COMMD1: variants seen among roughly 807,000 people sequenced by gnomAD.
The protein encoded by COMMD1 is COMM domain-containing protein 1.
Under a neutral mutation model 17.2 loss-of-function variants are expected in COMMD1, and 10 were observed. The ratio of observed to expected loss-of-function variants is 0.58; its 90% CI spans 0.36 to 0.99. COMMD1 has a LOEUF of 0.99. COMMD1 is among the 50% of genes least tolerant of loss of function. COMMD1 has a pLI of 0.01. For missense variants in COMMD1, 270 were observed against 231.8 expected (o/e 1.17, Z -1.07); for synonymous variants, 97 against 91.6 (o/e 1.06, Z -0.34).
chr2:61,963,168 A>C (rs1296482556), intron 1 of COMMD1, among the ~76,000 whole-genome samples: 2 of 142,762 alleles, frequency 1.4e-5, no homozygotes, highest in East Asian at 4.0e-4. Flanking sequence ...TCAAAAAAAA[A>C]AATATATATA....
At chr2:62,035,601 T>C (rs1670016490) in intron 2 of COMMD1, among the ~76,000 whole-genome samples, 1 of 151,836 alleles carries the variant, frequency 6.6e-6, no homozygotes, top group African/African-American at 2.4e-5. Flanking sequence ...TAGCTGGGCA[T>C]GGTGGTGCAT....
intron 2 of COMMD1, among the ~76,000 whole-genome samples, chr2:62,120,293 A>T (rs1352189135): frequency 6.7e-6 from 1 of 148,708 alleles, no homozygotes; most frequent in African/African-American, 2.5e-5. Flanking sequence ...GAGCCACTGC[A>T]CCCAGCTGTG....
At chr2:61,964,502 C>A (rs180906722) in intron 1 of COMMD1, among the ~76,000 whole-genome samples, 1 of 152,290 alleles carries the variant, frequency 6.6e-6, no homozygotes, top group East Asian at 1.9e-4. Flanking sequence ...GCGTGAGGCA[C>A]TACACCCTGG....
chr2:62,088,229 C>T (rs1341246709), intron 2 of COMMD1, among the ~76,000 whole-genome samples: 1 of 152,054 alleles, frequency 6.6e-6, no homozygotes, highest in Non-Finnish European at 1.5e-5. Context: ...TCTTTTTTCT[C>T]TGGACTTTCA....
intron 2 of COMMD1, among the ~76,000 whole-genome samples, chr2:62,102,162 C>G (rs1284095523): frequency 6.6e-6 from 1 of 152,166 alleles, no homozygotes; most frequent in African/African-American, 2.4e-5. Context: ...CCTATTGTAT[C>G]ACAGCTTCCC....
At chr2:62,054,354 G>A (rs368761912) in intron 2 of COMMD1, among the ~76,000 whole-genome samples, 18 of 152,040 alleles carry the variant, frequency 1.2e-4, no homozygotes, top group African/African-American at 2.4e-4. Context: ...GTATCTAACC[G>A]CCAGAAAAGA....
At chr2:62,089,280 C>CT (rs57279954) in intron 2 of COMMD1, among the ~76,000 whole-genome samples, 1,452 of 135,866 alleles carry the variant, frequency 0.011, 8 homozygotes, top group East Asian at 0.032. Flanking sequence ...TTCTTTCTTT[C>CT]TTTTTTTTTT....
chr2:62,020,906 G>C (rs1227186344), intron 2 of COMMD1, among the ~76,000 whole-genome samples: 1 of 152,132 alleles, frequency 6.6e-6, no homozygotes, highest in East Asian at 1.9e-4. Context: ...AGGAGGCTGA[G>C]GCGGGAGAAT....
At chr2:62,129,273 C>G (rs867623243) in intron 2 of COMMD1, among the ~76,000 whole-genome samples, 1 of 152,110 alleles carries the variant, frequency 6.6e-6, no homozygotes, top group African/African-American at 2.4e-5. Context: ...ATATAATAAC[C>G]TCTCTCTCCT....
chr2:62,071,992 T>C (rs1367939637), intron 2 of COMMD1, among the ~76,000 whole-genome samples: 1 of 150,094 alleles, frequency 6.7e-6, no homozygotes, highest in East Asian at 1.9e-4. Context: ...TCTTGTTAAA[T>C]TGTTTTTTTT....
intron 1 of COMMD1, among the ~76,000 whole-genome samples, chr2:61,944,963 A>G (rs1670869077): frequency 6.6e-6 from 1 of 152,160 alleles, no homozygotes; most frequent in Non-Finnish European, 1.5e-5. Context: ...TTGCTGCTGC[A>G]AGGAATTTTA....
At chr2:61,986,847 G>A (rs1422655498) in intron 1 of COMMD1, among the ~76,000 whole-genome samples, 4 of 152,050 alleles carry the variant, frequency 2.6e-5, no homozygotes, top group Middle Eastern at 3.2e-3. Flanking sequence ...AGGATTACAG[G>A]TATGAGCCCC....
chr2:62,013,591 GA>G (rs1330123332), intron 2 of COMMD1, among the ~76,000 whole-genome samples: 1 of 152,218 alleles, frequency 6.6e-6, no homozygotes, highest in Admixed American at 6.5e-5. Context: ...TGGTCCAGGT[GA>G]GATAACGGCA....
chr2:61,953,478 C>T (rs1671113388), intron 1 of COMMD1, among the ~76,000 whole-genome samples: 2 of 151,542 alleles, frequency 1.3e-5, no homozygotes, highest in Non-Finnish European at 2.9e-5. Context: ...AAGCAATACT[C>T]CTGCCTCAGC....
At chr2:61,902,528 A>T (rs78865060), upstream of COMMD1, among the ~76,000 whole-genome samples, 600 of 152,160 alleles carry the variant, frequency 3.9e-3, 5 homozygotes, top group African/African-American at 0.014. Flanking sequence ...AAGAAAAGAA[A>T]TCACTGAAGT....
At position 61,991,403 on chromosome 2, in the gene COMMD1, T is replaced by C. The variant is rs1161017715; in HGVS notation, c.181-9298T>C. 2.6e-5 allele frequency among the ~76,000 whole-genome samples: 4 copies of C among 152,366 alleles called. No homozygotes were observed. The East Asian group carries it at 7.7e-4, about 29-fold the overall frequency. On this transcript the variant is annotated intron_variant, in intron 1 of 2. Transcript: ENST00000311832. The stretch of plus-strand genomic sequence containing the variant: ...TGAAATGTTATTGATACAGTATGAA[T>C]GCTTGTTGGAATATGAATTCTACTT...
intron 2 of COMMD1, among the ~76,000 whole-genome samples, chr2:62,041,624 C>A (rs956087567): frequency 4.2e-4 from 64 of 152,166 alleles, no homozygotes; most frequent in African/African-American, 1.4e-3. Context: ...CTCCTGAGCT[C>A]AAGCCATCTG....
chr2:62,046,282 A>G (rs1361718856), intron 2 of COMMD1, among the ~76,000 whole-genome samples: 1 of 152,266 alleles, frequency 6.6e-6, no homozygotes, highest in Non-Finnish European at 1.5e-5. Flanking sequence ...GTTCTATGCT[A>G]TAAAGGTACA....
At position 62,002,724 on chromosome 2, in the gene COMMD1, C is replaced by T. The variant is rs142857402; in HGVS notation, c.462+1742C>T. 9.4e-3 allele frequency among the ~76,000 whole-genome samples: 1,427 copies of T among 151,488 alleles called. 12 individuals carry two copies. The highest frequency in any genetic ancestry group is 0.013 in the Non-Finnish European group (909 of 67,912). ...AACAACAAATTGCCGGGCATGGTGG[C>T]GGGCACCTGTAATCCCAGTTACTCA... is the stretch of plus-strand genomic sequence containing the variant. On this transcript the variant is annotated intron_variant, in intron 2 of 2. Transcript: ENST00000311832.
Sources: gnomAD v4.1 joint callset for allele counts (sites outside exome capture counted in the v4.1 genomes callset) on GRCh38, gnomAD v4.1.1 for gene constraint, MANE v1.5 for transcripts, NCBI Gene and HGNC (gene_info 2026-07-23, HGNC 2026-07-21) for gene names.